ING4: variants seen among roughly 807,000 people sequenced by gnomAD.
ING4 encodes inhibitor of growth protein 4.
In ING4, 28 loss-of-function variants were observed where a neutral mutation model predicts 33.1. The observed-to-expected ratio is 0.85, with a 90% CI of 0.63 to 1.16. The LOEUF is 1.16. ING4 is among the 50% of genes most tolerant of loss of function. ING4 has a pLI of 0.00. For missense variants in ING4, 247 were observed against 314.7 expected (o/e 0.78, Z 1.63); for synonymous variants, 87 against 104.4 (o/e 0.83, Z 1.02).
chr12:6,653,296 T>G lies in ING4; in HGVS notation c.210A>C (p.Glu70Asp), dbSNP rs1949243284. 1 of 1,614,030 alleles carries G rather than the reference T, an allele frequency of 6.2e-7. No individual in the cohort carries two copies. Among genetic ancestry groups the G allele is most frequent in the Non-Finnish European group, 8.5e-7 (1 of 1,180,052 alleles). ...CAAATTCCTTGCACTTGCCATAGGC[T>G]TCCTGGATCTGTTTGAGAAGGGCCA... is the stretch of plus-strand genomic sequence containing the variant. ...EKLALLKQIQ[E>D]AYGKCKEFGD... is the part of the protein sequence containing the mutation. The change falls in exon 3 of 8, where the codon GAA (glutamate) becomes GAC (aspartate). Residue 70 changes from glutamate to aspartate, a missense_variant. Physicochemically the swap from Glu to Asp is conservative, Grantham distance 45 (BLOSUM62 2). Coordinates refer to ENST00000341550, the MANE Select transcript of ING4 (RefSeq NM_016162.4).
Position 6,652,382 on chromosome 12 carries a change from G to A in ING4, c.534C>T (p.Gly178=). ...CCAACACATCAGAGGGGTGGACACT[G>A]CCAAAGGTCACTGAGGGCATCCCAT... ...PEYGMPSVTF[G]SVHPSDVLDM... is the part of the protein sequence containing the mutation. The change falls in exon 6 of 8, where the codon GGC becomes GGT. Residue 178 remains glycine, a synonymous_variant. Coordinates refer to ENST00000341550, the MANE Select transcript of ING4 (RefSeq NM_016162.4). 1.2e-6 allele frequency: 2 copies of A among 1,614,132 alleles called. No homozygotes were observed. Among genetic ancestry groups the A allele is most frequent in the Non-Finnish European group, 1.7e-6 (2 of 1,180,000 alleles).
In ING4 at chr12:6,651,057, G is replaced by A. The variant is rs1322154492; in HGVS notation, c.*138C>T. The stretch of plus-strand genomic sequence containing the variant: ...ATGCAGCCTCAGCACCGGGAGTGGG[G>A]AGAGGGGAGGAGAAGGGATGACAGC... On this transcript the variant is annotated 3_prime_UTR_variant, in exon 8 of 8. Transcript: ENST00000341550. 2 of 933,594 alleles carry A rather than the reference G, an allele frequency of 2.1e-6. No homozygotes were observed. The highest frequency in any genetic ancestry group is 1.6e-5 in the African/African-American group (1 of 61,172). 57.8% of individuals were successfully genotyped at this position (933,594 alleles called of 1,614,324 possible).
rs750817444 is a variant in ING4, at chr12:6,652,713, G to A, written c.446C>T (p.Ser149Leu). ...GGCAGTCTTGGGGGCTTCTTCATCCGAGTTTTTCCCTTTGGAACGAGCACG... is the reference window on the plus strand; with the variant it reads ...GGCAGTCTTGGGGGCTTCTTCATCCAAGTTTTTCCCTTTGGAACGAGCACG... Reference protein sequence around the residue: ...AARARSKGKNSDEEAPKTAQK... With the variant: ...AARARSKGKNLDEEAPKTAQK... Residue 149 changes from serine (S) to leucine (L), a missense_variant, in exon 5 of 8, where the codon TCG (serine) becomes TTG (leucine). By Grantham distance (145) the Ser-to-Leu change is moderately radical. Transcript: ENST00000341550. 2.8e-5 allele frequency: 45 copies of A among 1,614,000 alleles called. No homozygotes were observed. Among genetic ancestry groups the A allele is most frequent in the Non-Finnish European group, 3.5e-5 (41 of 1,180,038 alleles).
intron 2 of ING4, chr12:6,655,691 C>A: frequency 1.2e-6 from 1 of 819,838 alleles, no homozygotes; most frequent in Non-Finnish European, 1.6e-6. Flanking sequence ...ATGATGTTCA[C>A]CTTTTCATGT....
Position 6,652,764 on chromosome 12 carries a change from C to T in ING4, c.395G>A (p.Arg132Gln), listed in dbSNP as rs374663258. The T allele has an allele frequency of 6.0e-5, 97 of 1,613,852 alleles. No homozygotes were observed. The highest frequency in any genetic ancestry group is 1.8e-4 in the East Asian group (8 of 44,882). Reference sequence around the variant, plus strand: ...AGCAGCTTTCTTCTCCTTTTGAGTCCGGCCTTCTAGGGAAGAGGGAGAAAG... The same window carrying T: ...AGCAGCTTTCTTCTCCTTTTGAGTCTGGCCTTCTAGGGAAGAGGGAGAAAG... ...DSSSSKGKKS[R>Q]TQKEKKAARA... Residue 132 changes from arginine to glutamine, a missense_variant, in exon 5 of 8, where the codon CGG (arginine) becomes CAG (glutamine). Around this residue, in one of 3 missense-constraint regions of ING4, gnomAD observed 198 missense variants for 221.2 expected, o/e 0.89. Coordinates refer to ENST00000341550, the MANE Select transcript of ING4 (RefSeq NM_016162.4).
intron 2 of ING4, among the ~76,000 whole-genome samples, chr12:6,655,013 C>T (rs1318142051): frequency 1.3e-5 from 2 of 151,830 alleles, no homozygotes; most frequent in Non-Finnish European, 2.9e-5. Context: ...ACATGAGCCA[C>T]GGCACCCGGT....
chr12:6,662,922 C>T, intron 1 of ING4, 143 bp downstream of exon 1: 1 of 892,850 alleles, frequency 1.1e-6, no homozygotes, highest in Non-Finnish European at 1.7e-6. Flanking sequence ...CCCTCTTTCT[C>T]CGCACCCTCC....
chr12:6,651,406 T>C (rs1401896962), intron 6 of ING4, 21 bp from the exon 7 acceptor site: 1 of 1,609,552 alleles, frequency 6.2e-7, no homozygotes, highest in Non-Finnish European at 8.5e-7. Flanking sequence ...AAGAAAGAAG[T>C]AGTCAGGGGC....
chr12:6,655,328 G>C (rs1331647249), intron 2 of ING4, among the ~76,000 whole-genome samples: 2 of 152,244 alleles, frequency 1.3e-5, no homozygotes, highest in African/African-American at 2.4e-5. Flanking sequence ...ACAGGCGTAA[G>C]CCACCGCACC....
intron 2 of ING4, among the ~76,000 whole-genome samples, chr12:6,653,692 A>T (rs189671832): frequency 3.7e-4 from 56 of 152,294 alleles, no homozygotes; most frequent in African/African-American, 1.3e-3. Flanking sequence ...ATTTTTGTCC[A>T]TGTTTGAAGA....
At chr12:6,662,772 G>T (rs749540146) in intron 1 of ING4, among the ~76,000 whole-genome samples, 1 of 152,030 alleles carries the variant, frequency 6.6e-6, no homozygotes, top group Non-Finnish European at 1.5e-5. Context: ...ATCTACCGAG[G>T]CTGGAGACCC....
chr12:6,659,830 A>G (rs79526248), intron 1 of ING4, among the ~76,000 whole-genome samples: 4 of 150,200 alleles, frequency 2.7e-5, no homozygotes, highest in African/African-American at 9.9e-5. Context: ...AAAAAAAAAA[A>G]TAGATGGGCA....
chr12:6,659,150 G>A (rs1302330522), intron 1 of ING4, among the ~76,000 whole-genome samples: 1 of 152,232 alleles, frequency 6.6e-6, no homozygotes, highest in East Asian at 1.9e-4. Flanking sequence ...AGTTGGCTGG[G>A]TGCGGTGGCC....
In ING4 at chr12:6,656,740, G is replaced by T; in HGVS notation, c.96C>A (p.Asp32Glu). 6.4e-7 allele frequency: 1 copy of T among 1,570,690 alleles called. No homozygotes were observed. ...CTCTATACATACCCTCTGTTCTTTGGTCTAGGTCCCTCATGAGCTGAAAGT... is the reference window on the plus strand; with the variant it reads ...CTCTATACATACCCTCTGTTCTTTGTTCTAGGTCCCTCATGAGCTGAAAGT... ...QRNFQLMRDLDQRTEDLKAEI... is the reference protein window; with the variant it reads ...QRNFQLMRDLEQRTEDLKAEI... The change falls in exon 2 of 8, where the codon GAC (aspartate) becomes GAA (glutamate). Residue 32 changes from aspartate (D) to glutamate (E), a missense_variant. Physicochemically the swap from Asp to Glu is conservative, Grantham distance 45 (BLOSUM62 2). Transcript: ENST00000341550.
Position 6,650,891 on chromosome 12 carries a change from G to T in ING4, c.*304C>A, listed in dbSNP as rs868664168. ...AAATACAAAGCAAGGAGAATGAAAA[G>T]GACCCTCCCTCTGAAATACAGCACC... On this transcript the variant is annotated 3_prime_UTR_variant, in exon 8 of 8. Transcript: ENST00000341550. 38 of 470,986 alleles carry T rather than the reference G, an allele frequency of 8.1e-5. 1 individual carries two copies. The highest frequency in any genetic ancestry group is 6.0e-4 in the African/African-American group (31 of 51,406). 29.2% of individuals were successfully genotyped at this position (470,986 alleles called of 1,614,324 possible). A position where few individuals can be genotyped will look rare whatever the true frequency, so the allele number is the denominator to read the frequency against.
chr12:6,651,007 C>G lies in ING4; in HGVS notation c.*188G>C, dbSNP rs1034155363. 41 of 657,118 alleles carry G rather than the reference C, an allele frequency of 6.2e-5. No homozygotes were observed. The allele number at this position is 657,118 out of a possible 1,614,324, so 40.7% of individuals were successfully genotyped here. A position where few individuals can be genotyped will look rare whatever the true frequency, so the allele number is the denominator to read the frequency against. On this transcript the variant is annotated 3_prime_UTR_variant, in exon 8 of 8. Coordinates refer to ENST00000341550, the MANE Select transcript of ING4 (RefSeq NM_016162.4). ...GGAGAGCACATACCGTTAGTGGCTG[C>G]GGCACCCCTCCCTACCAGGGTCTGA...
intron 6 of ING4, among the ~76,000 whole-genome samples, chr12:6,651,877 A>G (rs1457673740): frequency 2.5e-5 from 3 of 118,992 alleles, no homozygotes; most frequent in Admixed American, 9.7e-5. Flanking sequence ...TTTGAGACAG[A>G]GTCTTGCTCT....
At chr12:6,654,523 G>C (rs1949290222) in intron 2 of ING4, among the ~76,000 whole-genome samples, 1 of 151,650 alleles carries the variant, frequency 6.6e-6, no homozygotes, top group Non-Finnish European at 1.5e-5. Flanking sequence ...ATTATTTCTA[G>C]AGATGAGGTC....
intron 6 of ING4, 25 bp downstream of exon 6, chr12:6,652,246 C>A: frequency 6.2e-7 from 1 of 1,609,552 alleles, no homozygotes; most frequent in Non-Finnish European, 8.5e-7. Context: ...CACAACCCCC[C>A]ATCCTAAGGC....
Sources: allele counts gnomAD v4.1 joint callset (sites outside exome capture counted in the v4.1 genomes callset), GRCh38; gene constraint gnomAD v4.1.1; regional missense constraint gnomAD v4.1.1; transcripts MANE v1.5; gene names NCBI Gene and HGNC (gene_info 2026-07-23, HGNC 2026-07-21).